Variants in SDR16C5 observed in about 807,000 individuals in gnomAD.
The protein encoded by SDR16C5 is epidermal retinol dehydrogenase 2.
A neutral mutation model predicts 27.7 loss-of-function variants in SDR16C5; 20 were observed. The observed-to-expected ratio is 0.72, with a 90% confidence interval of 0.51 to 1.05. SDR16C5 has a LOEUF of 1.05. SDR16C5 is among the 50% of genes least tolerant of loss of function. The pLI, the probability that SDR16C5 is intolerant of heterozygous loss-of-function variation, is 0.00. For missense variants in SDR16C5, 374 were observed against 366.3 expected (o/e 1.02, Z -0.17); for synonymous variants, 139 against 132.3 (o/e 1.05, Z -0.35).
At chr8:56,303,169 C>G (rs2129256496) in intron 6 of SDR16C5, among the ~76,000 whole-genome samples, 1 of 151,940 alleles carries the variant, frequency 6.6e-6, no homozygotes, top group South Asian at 2.1e-4. Context: ...CAAAAATTAG[C>G]CAGGCATGGT....
intron 6 of SDR16C5, chr8:56,304,147 C>T (rs1814826878): frequency 2.9e-6 from 2 of 685,434 alleles, no homozygotes; most frequent in East Asian, 5.4e-5. Context: ...ATATAATTAG[C>T]TAATGAGAAA....
chr8:56,317,324 T>C (rs1243898639), intron 1 of SDR16C5, among the ~76,000 whole-genome samples: 2 of 152,004 alleles, frequency 1.3e-5, no homozygotes, highest in Non-Finnish European at 2.9e-5. Flanking sequence ...AGGCCTCCCC[T>C]TGACAAACTC....
In SDR16C5 at chr8:56,301,306, A is replaced by G. The variant is rs1432195263; in HGVS notation, c.*174T>C. 24 of 556,684 alleles carry G rather than the reference A, an allele frequency of 4.3e-5. No individual in the cohort carries two copies. Among genetic ancestry groups the G allele is most frequent in the Non-Finnish European group, 6.4e-6 (2 of 310,552 alleles). 34.5% of individuals were successfully genotyped at this position (556,684 alleles called of 1,614,324 possible). ...AAACCAAAACTCAACCAAATAGGTGATAGCAACATTATTTTCAAACACATT... is the reference window on the plus strand; with the variant it reads ...AAACCAAAACTCAACCAAATAGGTGGTAGCAACATTATTTTCAAACACATT... On this transcript the variant is annotated 3_prime_UTR_variant, in exon 7 of 7. Coordinates refer to ENST00000303749, the MANE Select transcript of SDR16C5 (RefSeq NM_138969.4).
intron 1 of SDR16C5, among the ~76,000 whole-genome samples, 169 bp from the exon 2 acceptor site, chr8:56,316,530 A>G (rs1815202848): frequency 6.6e-6 from 1 of 152,220 alleles, no homozygotes; most frequent in African/African-American, 2.4e-5. Flanking sequence ...AGGAAGCCAC[A>G]GGGACTATAC....
chr8:56,306,632 ATTT>A (rs749162089), intron 5 of SDR16C5, 41 bp downstream of exon 5: 139 of 1,499,872 alleles, frequency 9.3e-5, no homozygotes, highest in Non-Finnish European at 1.2e-4. Context: ...ATAGCAAAAC[ATTT>A]TTAAGAGTGT....
intron 6 of SDR16C5, among the ~76,000 whole-genome samples, chr8:56,302,622 A>G (rs1814786036): frequency 6.6e-6 from 1 of 150,868 alleles, no homozygotes; most frequent in African/African-American, 2.4e-5. Flanking sequence ...GCAGTGAGGC[A>G]TGATTGCACC....
intron 1 of SDR16C5, among the ~76,000 whole-genome samples, chr8:56,316,751 A>T (rs1479445166): frequency 2.0e-5 from 3 of 152,248 alleles, no homozygotes; most frequent in Non-Finnish European, 4.4e-5. Context: ...AGTCTTGACC[A>T]CATCACAATG....
At chr8:56,309,235 T>G in intron 3 of SDR16C5, 1 of 854,890 alleles carries the variant, frequency 1.2e-6, no homozygotes, top group South Asian at 5.4e-5. Flanking sequence ...AATTCCAGTA[T>G]TATTAAAATA....
intron 1 of SDR16C5, 114 bp from the exon 2 acceptor site, chr8:56,316,475 A>T (rs1815201315): frequency 1.5e-6 from 1 of 667,140 alleles, no homozygotes; most frequent in African/African-American, 1.8e-5. Context: ...TATGTGATTT[A>T]AACAGCTCTC....
At chr8:56,304,502 A>T (rs779622670) in intron 6 of SDR16C5, among the ~76,000 whole-genome samples, 3 of 151,894 alleles carry the variant, frequency 2.0e-5, no homozygotes, top group African/African-American at 7.3e-5. Flanking sequence ...CTGAAACTCC[A>T]TGGAGAGCAG....
At chr8:56,308,032 G>A (rs370942171) in intron 4 of SDR16C5, among the ~76,000 whole-genome samples, 20 of 152,304 alleles carry the variant, frequency 1.3e-4, no homozygotes, top group East Asian at 7.7e-4. Context: ...GTTCTAAGAA[G>A]GAGAGAGGAA....
chr8:56,313,917 C>T (rs922987918), intron 2 of SDR16C5, among the ~76,000 whole-genome samples: 4 of 152,112 alleles, frequency 2.6e-5, no homozygotes, highest in Non-Finnish European at 5.9e-5. Flanking sequence ...CTTAAAAACT[C>T]TCTGGTATTG....
At chr8:56,310,367 GAAA>G (rs1267241420) in intron 3 of SDR16C5, among the ~76,000 whole-genome samples, 1 of 3,834 alleles carries the variant, frequency 2.6e-4, no homozygotes, top group Admixed American at 5.4e-3. Context: ...AAGAAAAGAA[GAAA>G]AGAGAGAGAC....
intron 2 of SDR16C5, among the ~76,000 whole-genome samples, chr8:56,314,291 T>C (rs1815131219): frequency 6.6e-6 from 1 of 152,160 alleles, no homozygotes. Context: ...AGTAATTTCC[T>C]TCCCCTGAAT....
intron 6 of SDR16C5, among the ~76,000 whole-genome samples, chr8:56,301,843 GAC>G (rs1400096001): frequency 2.6e-5 from 4 of 152,174 alleles, no homozygotes; most frequent in Non-Finnish European, 5.9e-5. Flanking sequence ...ACTGTACAAT[GAC>G]ACAGAGGAAG....
Position 56,306,725 on chromosome 8 carries a change from C to T in SDR16C5, c.661G>A (p.Val221Met), listed in dbSNP as rs771836806. The change falls in exon 5 of 7, where the codon GTG becomes ATG. Residue 221 changes from valine to methionine, a missense_variant. Coordinates refer to ENST00000303749, the MANE Select transcript of SDR16C5 (RefSeq NM_138969.4). ...QKQKGIKTTI[V>M]CPFFIKTGMF... is the part of the protein sequence containing the mutation. ...CCAGTTTTTATAAAAAAGGGGCACA[C>T]AATCGTGGTTTTGATCCCCTTTTGT... is the stretch of plus-strand genomic sequence containing the variant. 2 of 1,613,804 alleles carry T rather than the reference C, an allele frequency of 1.2e-6. No homozygotes were observed. The highest frequency in any genetic ancestry group is 1.7e-6 in the Non-Finnish European group (2 of 1,179,916).
intron 5 of SDR16C5, among the ~76,000 whole-genome samples, chr8:56,306,009 G>A (rs919297932): frequency 6.6e-6 from 1 of 152,332 alleles, no homozygotes; most frequent in South Asian, 2.1e-4. Context: ...TGTAAGGCAA[G>A]TTGTTGAAAA....
intron 1 of SDR16C5, among the ~76,000 whole-genome samples, chr8:56,317,887 A>AG (rs1246623706): frequency 5.9e-5 from 9 of 152,146 alleles, no homozygotes; most frequent in African/African-American, 9.7e-5. Flanking sequence ...ACTGGGGCTG[A>AG]GGGGATGGGC....
At chr8:56,307,918 T>A (rs1267955234) in intron 4 of SDR16C5, among the ~76,000 whole-genome samples, 4 of 152,166 alleles carry the variant, frequency 2.6e-5, no homozygotes, top group African/African-American at 9.7e-5. Flanking sequence ...GACAGGAATG[T>A]TCTGTCTGAA....
Sources: allele counts gnomAD v4.1 joint callset (sites outside exome capture counted in the v4.1 genomes callset), GRCh38; gene constraint gnomAD v4.1.1; transcripts MANE v1.5; gene names NCBI Gene and HGNC (gene_info 2026-07-23, HGNC 2026-07-21).